APPL1: variants seen among roughly 807,000 people sequenced by gnomAD.
The protein encoded by APPL1 is adaptor protein, phosphotyrosine interacting with PH domain and leucine zipper 1.
A neutral mutation model predicts 106.8 loss-of-function variants in APPL1; 42 were observed. The observed-to-expected ratio is 0.39, with a 90% CI of 0.31 to 0.51. APPL1 has a LOEUF of 0.51. Among genes scored for constraint, APPL1 ranks in the 20% least tolerant of loss-of-function variants. The probability of loss-of-function intolerance (pLI) is 0.75; values close to 1 mark genes in which losing one functional copy is unlikely to be tolerated. For synonymous variants in APPL1, 263 were observed against 281.8 expected (o/e 0.93, Z 0.67); for missense variants, 769 against 858.2 (o/e 0.90, Z 1.30).
At chr3:57,233,022 AAAAC>A (rs2060695974) in intron 1 of APPL1, among the ~76,000 whole-genome samples, 1 of 152,138 alleles carries the variant, frequency 6.6e-6, no homozygotes, top group Non-Finnish European at 1.5e-5. Context: ...AAAAAACAAA[AAAAC>A]AAAAAAGAAA....
intron 7 of APPL1, among the ~76,000 whole-genome samples, chr3:57,243,197 G>C (rs959889383): frequency 1.3e-5 from 2 of 152,106 alleles, no homozygotes; most frequent in Non-Finnish European, 2.9e-5. Flanking sequence ...TTTGTATTTT[G>C]ATGACATGGC....
chr3:57,242,760 A>G (rs1301996307), intron 6 of APPL1, 96 bp from the exon 7 acceptor site: 3 of 877,444 alleles, frequency 3.4e-6, no homozygotes, highest in Non-Finnish European at 5.5e-6. Context: ...TTGCTTTAGT[A>G]CGTTTGTGGA....
rs1299759431 is a variant in APPL1, at chr3:57,272,332, G to GT, written c.*2650dup. 1 of 152,124 alleles carries GT rather than the reference G, an allele frequency of 6.6e-6. No individual in the cohort carries two copies. The highest frequency in any genetic ancestry group is 1.5e-5 in the Non-Finnish European group (1 of 68,022). 9.4% of individuals were successfully genotyped at this position (152,124 alleles called of 1,614,324 possible). Reference sequence around the variant, plus strand: ...GAACAGAGTCCCTAAAGCTAGTCTAGTTTTTGCCACATCTGCAATGATTAT... The same window carrying GT: ...GAACAGAGTCCCTAAAGCTAGTCTAGTTTTTTGCCACATCTGCAATGATTAT... On this transcript the variant is annotated 3_prime_UTR_variant, in exon 22 of 22. Transcript: ENST00000288266.
Position 57,249,427 on chromosome 3 carries a change from A to G in APPL1, c.931A>G (p.Ser311Gly). 6.2e-7 allele frequency: 1 copy of G among 1,614,188 alleles called. No individual in the cohort carries two copies. The highest frequency in any genetic ancestry group is 1.1e-5 in the South Asian group (1 of 91,084). Residue 311 changes from serine (S) to glycine (G), a missense_variant, in exon 11 of 22, where the codon AGT becomes GGT. Transcript: ENST00000288266. Reference protein sequence around the residue: ...FYFTQGGNLMSQARGDVAGGL... With the variant: ...FYFTQGGNLMGQARGDVAGGL... ...CTTCACGCAGGGTGGAAATTTAATG[A>G]GTCAGGCCCGTGGGGATGTAGCAGG... is the stretch of plus-strand genomic sequence containing the variant.
intron 15 of APPL1, 70 bp downstream of exon 15, chr3:57,257,498 G>C: frequency 7.8e-7 from 1 of 1,287,432 alleles, no homozygotes; most frequent in Non-Finnish European, 1.1e-6. Flanking sequence ...CTGCATTTCA[G>C]AGTCATCTCT....
intron 11 of APPL1, among the ~76,000 whole-genome samples, chr3:57,251,694 T>A (rs1293864062): frequency 6.6e-6 from 1 of 152,128 alleles, no homozygotes; most frequent in African/African-American, 2.4e-5. Context: ...CTTGTTAACA[T>A]GTTACTTACT....
Position 57,259,028 on chromosome 3 carries a change from G to A in APPL1, c.1431G>A (p.Arg477=), listed in dbSNP as rs767233318. 1 of 1,610,762 alleles carries A rather than the reference G, an allele frequency of 6.2e-7. No individual in the cohort carries two copies. The highest frequency in any genetic ancestry group is 8.5e-7 in the Non-Finnish European group (1 of 1,178,352). The change falls in exon 16 of 22, where the codon AGG becomes AGA. Residue 477 remains arginine, a splice_region_variant and synonymous_variant. Transcript: ENST00000288266. ...GQAKAFGQGG[R]RTNPFGESGG... The stretch of plus-strand genomic sequence containing the variant: ...TCATATTTTCTTCTAAACTTTTTAG[G>A]CGTACAAATCCATTTGGAGAATCTG...
intron 19 of APPL1, among the ~76,000 whole-genome samples, chr3:57,264,246 G>A (rs1388526344): frequency 6.6e-6 from 1 of 152,080 alleles, no homozygotes; most frequent in Non-Finnish European, 1.5e-5. Flanking sequence ...TTTTCCTATA[G>A]AGTTGTTTGA....
chr3:57,252,466 C>A (rs572051630), intron 12 of APPL1, among the ~76,000 whole-genome samples, 155 bp downstream of exon 12: 1 of 152,090 alleles, frequency 6.6e-6, no homozygotes, highest in South Asian at 2.1e-4. Flanking sequence ...AGTCTATTGT[C>A]CTCGAGCAAT....
intron 21 of APPL1, 163 bp from the exon 22 acceptor site, chr3:57,269,378 G>A (rs1271574182): frequency 3.4e-6 from 2 of 581,136 alleles, no homozygotes; most frequent in Admixed American, 3.4e-5. Context: ...ATTCATTTTG[G>A]TGTTGTATTG....
intron 13 of APPL1, among the ~76,000 whole-genome samples, chr3:57,255,341 C>G (rs999700181): frequency 6.6e-6 from 1 of 152,138 alleles, no homozygotes; most frequent in African/African-American, 2.4e-5. Context: ...TCTCACTCTT[C>G]TAAATTGTAA....
Position 57,260,777 on chromosome 3 carries a change from A to G in APPL1, c.1842+3A>G. The G allele has an allele frequency of 6.2e-7, 1 of 1,602,616 alleles. No homozygotes were observed. Among genetic ancestry groups the G allele is most frequent in the Non-Finnish European group, 8.5e-7 (1 of 1,173,438 alleles). ...AGTCAAACAATGAGGGGGAAAAGGT[A>G]CATGGCTTTTCAGAATATCTCTGTC... On this transcript the variant is annotated splice_donor_region_variant and intron_variant, in intron 19 of 21. Coordinates refer to ENST00000288266, the MANE Select transcript of APPL1 (RefSeq NM_012096.3).
intron 6 of APPL1, 52 bp from the exon 7 acceptor site, chr3:57,242,804 G>C: frequency 1.5e-6 from 2 of 1,360,394 alleles, no homozygotes; most frequent in Non-Finnish European, 2.1e-6. Context: ...GAAAGCATTT[G>C]TAAGTTTTGA....
chr3:57,239,240 G>A (rs2060732610), intron 4 of APPL1, among the ~76,000 whole-genome samples: 1 of 152,152 alleles, frequency 6.6e-6, no homozygotes, highest in African/African-American at 2.4e-5. Flanking sequence ...AGCTACAATT[G>A]AAGATGAGAT....
chr3:57,230,185 A>G (rs1233107404), intron 1 of APPL1, among the ~76,000 whole-genome samples: 1 of 152,204 alleles, frequency 6.6e-6, no homozygotes, highest in East Asian at 1.9e-4. Flanking sequence ...CAGAATGCAA[A>G]GCCTTGGATC....
At chr3:57,258,973 C>T in intron 15 of APPL1, 55 bp from the exon 16 acceptor site, 1 of 1,291,148 alleles carries the variant, frequency 7.7e-7, no homozygotes, top group Non-Finnish European at 1.1e-6. Flanking sequence ...TAGATTTCTT[C>T]TATGTGGCTC....
At chr3:57,251,600 A>G (rs878913398) in intron 11 of APPL1, among the ~76,000 whole-genome samples, 1 of 151,500 alleles carries the variant, frequency 6.6e-6, no homozygotes, top group Admixed American at 6.6e-5. Flanking sequence ...CATTCCTTCT[A>G]CAAACATATA....
intron 11 of APPL1, 105 bp from the exon 12 acceptor site, chr3:57,252,164 C>T (rs2060808561): frequency 1.1e-6 from 1 of 909,396 alleles, no homozygotes; most frequent in Non-Finnish European, 1.7e-6. Flanking sequence ...CTTTTAATAT[C>T]GATTTTTATA....
chr3:57,258,676 C>G lies in APPL1; in HGVS notation c.1431-352C>G, dbSNP rs114794141. ...GAAGTTTTTACAATTCCAGGACATT[C>G]TTGGCATTTTTCTCAAGCAACTAAG... is the stretch of plus-strand genomic sequence containing the variant. On this transcript the variant is annotated intron_variant, in intron 15 of 21. Transcript: ENST00000288266. 528 of 179,838 alleles carry G rather than the reference C, an allele frequency of 2.9e-3. 5 individuals are homozygous for G. Among genetic ancestry groups the G allele is most frequent in the African/African-American group, 0.011 (478 of 42,802 alleles). The allele number at this position is 179,838 out of a possible 1,614,324, so 11.1% of individuals were successfully genotyped here.
Sources: gnomAD v4.1 joint callset for allele counts (sites outside exome capture counted in the v4.1 genomes callset) on GRCh38, gnomAD v4.1.1 for gene constraint, MANE v1.5 for transcripts, NCBI Gene and HGNC (gene_info 2026-07-23, HGNC 2026-07-21) for gene names.